The following HDLBP variants were observed in gnomAD, a reference collection of about 807,000 sequenced individuals.
The protein encoded by HDLBP is vigilin.
In HDLBP, 30 loss-of-function variants were observed where a neutral mutation model predicts 137.3. The observed-to-expected ratio is 0.22, with a 90% CI of 0.16 to 0.30. The LOEUF (loss-of-function observed/expected upper bound fraction) is 0.30. Among genes scored for constraint, HDLBP ranks in the 10% least tolerant of loss-of-function variants. The pLI is 1.00. For synonymous variants in HDLBP, 606 were observed against 596.0 expected (o/e 1.02, Z -0.24); for missense variants, 1,119 against 1,667.3 (o/e 0.67, Z 5.73).
intron 16 of HDLBP, among the ~76,000 whole-genome samples, chr2:241,245,356 T>C (rs2071590645): frequency 6.6e-6 from 1 of 152,142 alleles, no homozygotes; most frequent in Non-Finnish European, 1.5e-5. Context: ...GCTAATTCTT[T>C]TTGTAGTTTT....
intron 22 of HDLBP, 42 bp downstream of exon 22, chr2:241,235,448 C>T: frequency 2.0e-6 from 3 of 1,510,538 alleles, no homozygotes; most frequent in Non-Finnish European, 2.8e-6. Context: ...GAGGATGCGA[C>T]AGGCCACTCC....
intron 1 of HDLBP, among the ~76,000 whole-genome samples, chr2:241,276,957 T>C (rs1346679253): frequency 6.6e-6 from 1 of 151,358 alleles, no homozygotes; most frequent in Non-Finnish European, 1.5e-5. Context: ...TGACACCTTT[T>C]TAAAAAACCA....
intron 10 of HDLBP, 155 bp downstream of exon 10, chr2:241,253,238 G>A: frequency 1.4e-6 from 1 of 698,232 alleles, no homozygotes; most frequent in Non-Finnish European, 2.6e-6. Context: ...ACTTCGACCA[G>A]CTTCTGGTTG....
intron 1 of HDLBP, among the ~76,000 whole-genome samples, chr2:241,305,639 G>GTC (rs2075543921): frequency 6.6e-6 from 1 of 152,166 alleles, no homozygotes; most frequent in Non-Finnish European, 1.5e-5. Context: ...AACCACAAAG[G>GTC]TCTCTGGACA....
chr2:241,236,343 C>T (rs1001638880), intron 21 of HDLBP: 6 of 500,562 alleles, frequency 1.2e-5, no homozygotes, highest in African/African-American at 1.9e-5. Flanking sequence ...TCCACAGCCC[C>T]CGCACCCACC....
chr2:241,288,368 G>A (rs1463702905), intron 1 of HDLBP, among the ~76,000 whole-genome samples: 2 of 148,896 alleles, frequency 1.3e-5, no homozygotes, highest in East Asian at 4.0e-4. Context: ...AGCATTTAAA[G>A]GGGGACTGAG....
chr2:241,263,001 T>C (rs1234360069), intron 4 of HDLBP, 75 bp from the exon 5 acceptor site: 1 of 1,133,082 alleles, frequency 8.8e-7, no homozygotes, highest in East Asian at 2.4e-5. Context: ...AAAGAACATG[T>C]GTTCATCACC....
intron 5 of HDLBP, among the ~76,000 whole-genome samples, chr2:241,259,505 T>C (rs2072990472): frequency 7.2e-6 from 1 of 138,584 alleles, no homozygotes; most frequent in Non-Finnish European, 1.6e-5. Flanking sequence ...GAACTCATGA[T>C]TTTCCTTTTC....
At position 241,239,140 on chromosome 2, in the gene HDLBP, C is replaced by G. The variant is rs1302424565; in HGVS notation, c.2611-353G>C. Among the ~76,000 whole-genome samples, 1 of 152,150 alleles carries G rather than the reference C, an allele frequency of 6.6e-6. No homozygotes were observed. Among genetic ancestry groups the G allele is most frequent in the Non-Finnish European group, 1.5e-5 (1 of 68,026 alleles). On this transcript the variant is annotated intron_variant, in intron 19 of 27. Transcript: ENST00000310931. The surrounding 1 kb of genome is among the most constrained non-coding windows in gnomAD (Gnocchi z 4.6). ...TCCAAGGCCCTGGCAGGGGAGTGGC[C>G]TGGAGGGGACACTCTCTAAAGACTG...
intron 1 of HDLBP, among the ~76,000 whole-genome samples, chr2:241,278,155 C>G (rs537290143): frequency 1.3e-5 from 2 of 152,138 alleles, no homozygotes; most frequent in Non-Finnish European, 2.9e-5. Flanking sequence ...GCAAACTGAC[C>G]CAGAAATAGA....
intron 1 of HDLBP, among the ~76,000 whole-genome samples, chr2:241,294,400 T>C (rs1375610644): frequency 6.6e-6 from 1 of 152,164 alleles, no homozygotes; most frequent in African/African-American, 2.4e-5. Flanking sequence ...AAACAATGAG[T>C]AGATGTTGCA....
rs1188827383 is a variant in HDLBP at position 241,233,806 on chromosome 2, A to G, written c.3288+14T>C. The G allele has an allele frequency of 6.2e-7, 1 of 1,614,022 alleles. No homozygotes were observed. The highest frequency in any genetic ancestry group is 1.1e-5 in the South Asian group (1 of 91,074). ...GCACCTCTGCCCCCGACACGCTCCA[A>G]CCGAGGCTCTCACCTGGTTCCCATC... On this transcript the variant is annotated intron_variant, in intron 24 of 27. Coordinates refer to ENST00000310931, the MANE Select transcript of HDLBP (RefSeq NM_005336.6). The surrounding 1 kb of genome is among the most constrained non-coding windows in gnomAD (Gnocchi z 4.3).
In HDLBP at chr2:241,249,936, G is replaced by T. The variant is rs1192906299; in HGVS notation, c.1417C>A (p.Pro473Thr). ...DQYKVSVRIP[P>T]DSEKSNLIRI... Reference sequence around the variant, plus strand: ...ATCAAATTGCTCTTCTCACTGTCAGGAGGGATGCGCACGGACACCTTGTAC... The same window carrying T: ...ATCAAATTGCTCTTCTCACTGTCAGTAGGGATGCGCACGGACACCTTGTAC... The change falls in exon 12 of 28, where the codon CCT (proline) becomes ACT (threonine). Residue 473 changes from proline (P) to threonine (T), a missense_variant. Around this residue, in one of 4 missense-constraint regions of HDLBP, gnomAD observed 425 missense variants for 693.9 expected, o/e 0.61. Coordinates refer to ENST00000310931, the MANE Select transcript of HDLBP (RefSeq NM_005336.6). The T allele has an allele frequency of 6.2e-7, 1 of 1,613,902 alleles. No homozygotes were observed. The highest frequency in any genetic ancestry group is 1.7e-5 in the Admixed American group (1 of 59,920).
At chr2:241,284,705 T>C (rs886444939) in intron 1 of HDLBP, among the ~76,000 whole-genome samples, 1 of 152,204 alleles carries the variant, frequency 6.6e-6, no homozygotes, top group African/African-American at 2.4e-5. Flanking sequence ...AGTCAATCAA[T>C]GCAGTAAACT....
chr2:241,285,363 T>C (rs2074764569), intron 1 of HDLBP, among the ~76,000 whole-genome samples: 1 of 152,252 alleles, frequency 6.6e-6, no homozygotes, highest in Non-Finnish European at 1.5e-5. Context: ...AGCATTTTTG[T>C]AGAGTCAGAA....
intron 1 of HDLBP, among the ~76,000 whole-genome samples, chr2:241,274,676 C>T (rs1238823965): frequency 2.0e-5 from 3 of 152,228 alleles, no homozygotes; most frequent in Admixed American, 1.3e-4. Context: ...ATTACAAAAT[C>T]ATATGCTAAC....
intron 1 of HDLBP, among the ~76,000 whole-genome samples, chr2:241,297,623 G>T (rs1441308619): frequency 6.6e-6 from 1 of 152,140 alleles, no homozygotes; most frequent in Non-Finnish European, 1.5e-5. Context: ...CTGTTTCTCT[G>T]AGAGCCAACT....
At position 241,239,566 on chromosome 2, in the gene HDLBP, G is replaced by A. The variant is rs377677557; in HGVS notation, c.2610+36C>T. The A allele has an allele frequency of 5.1e-6, 8 of 1,554,678 alleles. No homozygotes were observed. In the East Asian group the frequency reaches 1.3e-4, roughly 26 times the overall value. On this transcript the variant is annotated intron_variant, in intron 19 of 27. Transcript: ENST00000310931. This position sits in a 1 kb window ranked among gnomAD's most constrained non-coding sequence, Gnocchi z 4.6. ...ACGGCTTCGGTGAGTGGCCACTGGG[G>A]GGTGAGAACCCCTCCCCGAGCACCC...
chr2:241,272,570 G>C lies in HDLBP; in HGVS notation c.-102-4029C>G, dbSNP rs2074170982. 1.0e-6 allele frequency: 1 copy of C among 984,270 alleles called. No individual in the cohort carries two copies. The highest frequency in any genetic ancestry group is 1.2e-6 in the Non-Finnish European group (1 of 829,544). 61.0% of individuals were successfully genotyped at this position (984,270 alleles called of 1,614,324 possible). A position where few individuals can be genotyped will look rare whatever the true frequency, so the allele number is the denominator to read the frequency against. On this transcript the variant is annotated intron_variant, in intron 1 of 27. Coordinates refer to ENST00000310931, the MANE Select transcript of HDLBP (RefSeq NM_005336.6). This position sits in a 1 kb window ranked among gnomAD's most constrained non-coding sequence, Gnocchi z 5.6. ...CCGGCCCCAGGTCTGGCCCGGAACC[G>C]CCACGCGCGGTAAGCAGGACACCCG...
Sources: gnomAD v4.1 joint callset for allele counts (sites outside exome capture counted in the v4.1 genomes callset) on GRCh38, gnomAD v4.1.1 for gene constraint, gnomAD v4.1.1 regional missense constraint, Gnocchi (gnomAD v3.1) non-coding constraint, MANE v1.5 for transcripts, NCBI Gene and HGNC (gene_info 2026-07-23, HGNC 2026-07-21) for gene names.